The following ZNF212 variants were observed in gnomAD, a reference collection of about 807,000 sequenced individuals.
The protein encoded by ZNF212 is Zinc finger protein C2H2-150.
In ZNF212, 32 loss-of-function variants were observed where a neutral mutation model predicts 47.3. The observed-to-expected ratio is 0.68, with a 90% CI of 0.51 to 0.91. The LOEUF is 0.91. Among genes scored for constraint, ZNF212 ranks in the 40% least tolerant of loss-of-function variants. The pLI is 0.00. For missense variants in ZNF212, 555 were observed against 622.8 expected (o/e 0.89, Z 1.16); for synonymous variants, 242 against 253.8 (o/e 0.95, Z 0.44).
At position 149,239,673 on chromosome 7, in the gene ZNF212, G is replaced by GGCA. The variant is rs1796556371; in HGVS notation, c.-104_-103insAGC. The stretch of plus-strand genomic sequence containing the variant: ...CCCAGAATGCACCTGGCATCAACAC[G>GGCA]GCGGCGGCGGCGGCGGCTTCCAACA... On this transcript the variant is annotated 5_prime_UTR_variant, in exon 1 of 5. Transcript: ENST00000335870. 2 of 1,258,796 alleles carry GGCA rather than the reference G, an allele frequency of 1.6e-6. No individual in the cohort carries two copies. Among genetic ancestry groups the GGCA allele is most frequent in the Admixed American group, 4.1e-5 (1 of 24,612 alleles). The allele number at this position is 1,258,796 out of a possible 1,614,324, so 78.0% of individuals were successfully genotyped here.
At chr7:149,248,905 C>G (rs994258504) in intron 1 of ZNF212, among the ~76,000 whole-genome samples, 1 of 152,100 alleles carries the variant, frequency 6.6e-6, no homozygotes, top group African/African-American at 2.4e-5. Context: ...CAGTCAGTTT[C>G]CTTTTGTCCC....
intron 1 of ZNF212, among the ~76,000 whole-genome samples, chr7:149,247,966 G>A (rs1796700619): frequency 6.6e-6 from 1 of 152,212 alleles, no homozygotes; most frequent in Non-Finnish European, 1.5e-5. Context: ...GCAGAAAATG[G>A]AAGGGCAGCA....
chr7:149,245,743 G>C (rs911911713), intron 1 of ZNF212, among the ~76,000 whole-genome samples: 11 of 152,138 alleles, frequency 7.2e-5, no homozygotes, highest in African/African-American at 2.7e-4. Flanking sequence ...CTGGGCTCAA[G>C]CTGTCCTCCC....
rs561192315 is a variant in ZNF212, at chr7:149,251,054, T to G, written c.541+247T>G. Among the ~76,000 whole-genome samples the G allele has an allele frequency of 3.2e-3, 366 of 116,064 alleles. 1 individual carries two copies. The highest frequency in any genetic ancestry group is 4.9e-3 in the Non-Finnish European group (269 of 54,356). The allele number at this position is 116,064 out of a possible 152,430, so 76.1% of individuals were successfully genotyped here. On this transcript the variant is annotated intron_variant, in intron 3 of 4. Transcript: ENST00000335870. Reference sequence around the variant, plus strand: ...GCTCGCAGCATTGTGCCTTTTGTGTTTTTTTTTTTTTTTTCCTGTGGTCAC... The same window carrying G: ...GCTCGCAGCATTGTGCCTTTTGTGTGTTTTTTTTTTTTTTCCTGTGGTCAC...
At chr7:149,253,235 C>T (rs1796783429) in intron 4 of ZNF212, among the ~76,000 whole-genome samples, 1 of 152,102 alleles carries the variant, frequency 6.6e-6, no homozygotes, top group Non-Finnish European at 1.5e-5. Flanking sequence ...TTTTAACACT[C>T]TTAATTGAGT....
At chr7:149,240,304 G>C (rs1290193737) in intron 1 of ZNF212, among the ~76,000 whole-genome samples, 1 of 152,158 alleles carries the variant, frequency 6.6e-6, no homozygotes, top group East Asian at 1.9e-4. Flanking sequence ...AGCCTGGGCT[G>C]CTTCTCCTTG....
In ZNF212 at chr7:149,253,567, G is replaced by T; in HGVS notation, c.640G>T (p.Val214Phe). The T allele has an allele frequency of 6.3e-7, 1 of 1,599,738 alleles. No homozygotes were observed. Residue 214 changes from valine (V) to phenylalanine (F), a missense_variant, in exon 5 of 5, where the codon GTC (valine) becomes TTC (phenylalanine). By Grantham distance (50) the Val-to-Phe change is conservative. Coordinates refer to ENST00000335870, the MANE Select transcript of ZNF212 (RefSeq NM_012256.4). The part of the protein sequence containing the change: ...GPGGAHPAGG[V>F]MIKQELQYTQ... Reference sequence around the variant, plus strand: ...CTTCTTCCACTTTGCAGCAGGTGGGGTCATGATCAAACAGGAGCTACAGTA... The same window carrying T: ...CTTCTTCCACTTTGCAGCAGGTGGGTTCATGATCAAACAGGAGCTACAGTA...
Position 149,239,737 on chromosome 7 carries a change from G to T in ZNF212, c.-42G>T. 7.8e-7 allele frequency: 1 copy of T among 1,277,994 alleles called. No homozygotes were observed. 79.2% of individuals were successfully genotyped at this position (1,277,994 alleles called of 1,614,324 possible). On this transcript the variant is annotated 5_prime_UTR_variant, in exon 1 of 5. Transcript: ENST00000335870. ...CGAGCGGACAGGAACGCAGCACGGG[G>T]GCTCCGAGGCGGGGTCTGGGTGTTG... is the stretch of plus-strand genomic sequence containing the variant.
intron 3 of ZNF212, among the ~76,000 whole-genome samples, chr7:149,251,942 A>T (rs1028820080): frequency 9.3e-5 from 7 of 75,170 alleles, no homozygotes; most frequent in African/African-American, 2.7e-4. Flanking sequence ...TCTGTTGCTT[A>T]AAAAAAAAAA....
intron 1 of ZNF212, among the ~76,000 whole-genome samples, chr7:149,242,021 CTTTTTTTTTTTTTT>C (rs34883587): frequency 8.2e-6 from 1 of 121,346 alleles, no homozygotes; most frequent in East Asian, 2.3e-4. Flanking sequence ...CTTTTCTTTT[CTTTTTTTTTTTTTT>C]TTTTTGAGAG....
At chr7:149,248,980 G>A (rs1367477651) in intron 1 of ZNF212, among the ~76,000 whole-genome samples, 1 of 152,082 alleles carries the variant, frequency 6.6e-6, no homozygotes, top group African/African-American at 2.4e-5. Context: ...CTAGTGTCTC[G>A]GTCTTGGTGG....
chr7:149,253,828 G>A lies in ZNF212; in HGVS notation c.901G>A (p.Glu301Lys). The A allele has an allele frequency of 6.2e-7, 1 of 1,614,024 alleles. No individual in the cohort carries two copies. Among genetic ancestry groups the A allele is most frequent in the Non-Finnish European group, 8.5e-7 (1 of 1,179,936 alleles). Residue 301 changes from glutamate to lysine, a missense_variant, in exon 5 of 5, where the codon GAA becomes AAA. Physicochemically the swap from Glu to Lys is moderately conservative, Grantham distance 56 (BLOSUM62 1). Coordinates refer to ENST00000335870, the MANE Select transcript of ZNF212 (RefSeq NM_012256.4). Reference sequence around the variant, plus strand: ...TCATAGGCAGGTACAGCTGGACCAGGAATGTGGGCAGGGCCTGAAGCTGAA... The same window carrying A: ...TCATAGGCAGGTACAGCTGGACCAGAAATGTGGGCAGGGCCTGAAGCTGAA... ...KSHRQVQLDQ[E>K]CGQGLKLKKD...
Position 149,249,684 on chromosome 7 carries a change from C to T in ZNF212, c.25-475C>T, listed in dbSNP as rs1563188581. ...ACTCTGTTACTCAGGCTGGAGTGCA[C>T]TGGCACGATCTTGGCTCACTGTAGC... On this transcript the variant is annotated intron_variant, in intron 1 of 4. Coordinates refer to ENST00000335870, the MANE Select transcript of ZNF212 (RefSeq NM_012256.4). 3.9e-5 allele frequency among the ~76,000 whole-genome samples: 6 copies of T among 152,184 alleles called. No homozygotes were observed. The South Asian group carries it at 6.2e-4, about 16-fold the overall frequency.
Position 149,253,870 on chromosome 7 carries a change from C to T in ZNF212, c.943C>T (p.Pro315Ser), listed in dbSNP as rs1322575416. 1.2e-6 allele frequency: 2 copies of T among 1,613,956 alleles called. No homozygotes were observed. The highest frequency in any genetic ancestry group is 1.3e-5 in the African/African-American group (1 of 74,936). ...GLKLKKDTSR[P>S]YECSECEITF... ...GAAGCTGAAAAAGGACACTTCCCGC[C>T]CCTACGAATGTTCTGAGTGTGAGAT... Residue 315 changes from proline to serine, a missense_variant, in exon 5 of 5, where the codon CCC becomes TCC. Transcript: ENST00000335870.
intron 1 of ZNF212, 113 bp downstream of exon 1, chr7:149,239,915 G>A (rs1245180207): frequency 3.3e-6 from 4 of 1,202,444 alleles, no homozygotes; most frequent in Non-Finnish European, 4.2e-6. Context: ...TCCCGGGGCT[G>A]CCGTTGGCGC....
intron 1 of ZNF212, among the ~76,000 whole-genome samples, chr7:149,245,308 C>T (rs1796660354): frequency 6.7e-6 from 1 of 149,164 alleles, no homozygotes; most frequent in East Asian, 2.0e-4. Context: ...GAGATCATGC[C>T]ACTGCACTCC....
At chr7:149,245,413 C>T (rs1035218644) in intron 1 of ZNF212, among the ~76,000 whole-genome samples, 1 of 151,690 alleles carries the variant, frequency 6.6e-6, no homozygotes, top group African/African-American at 2.4e-5. Context: ...GAAATTCATC[C>T]TAAATGTGTC....
intron 1 of ZNF212, among the ~76,000 whole-genome samples, chr7:149,246,979 A>G (rs192205707): frequency 3.5e-5 from 5 of 144,860 alleles, no homozygotes; most frequent in South Asian, 2.2e-4. Flanking sequence ...TGCCCGGCTC[A>G]TTTTGTATTT....
Position 149,255,218 on chromosome 7 carries a change from G to A in ZNF212, c.*803G>A, listed in dbSNP as rs1796818733. 6.6e-6 allele frequency: 1 copy of A among 152,540 alleles called. No individual in the cohort carries two copies. The highest frequency in any genetic ancestry group is 2.4e-5 in the African/African-American group (1 of 41,430). 9.4% of individuals were successfully genotyped at this position (152,540 alleles called of 1,614,324 possible). On this transcript the variant is annotated 3_prime_UTR_variant, in exon 5 of 5. Coordinates refer to ENST00000335870, the MANE Select transcript of ZNF212 (RefSeq NM_012256.4). ...ATTCCAGTGAAGTTGCTGATGGTAT[G>A]GCTGTGGTCTGGGACTTGCGGTGTC...
Sources: gnomAD v4.1 joint callset for allele counts (sites outside exome capture counted in the v4.1 genomes callset) on GRCh38, gnomAD v4.1.1 for gene constraint, MANE v1.5 for transcripts, NCBI Gene and HGNC (gene_info 2026-07-23, HGNC 2026-07-21) for gene names.